The following LUC7L variants were observed in gnomAD, a reference collection of about 807,000 sequenced individuals.
LUC7L encodes the protein putative RNA-binding protein Luc7-like 1.
A neutral mutation model predicts 51.1 loss-of-function variants in LUC7L; 29 were observed. That is an observed-to-expected ratio of 0.57 (90% CI 0.42 to 0.77). The LOEUF is 0.77. Among genes scored for constraint, LUC7L ranks in the 30% least tolerant of loss-of-function variants. LUC7L has a pLI of 0.00. For synonymous variants in LUC7L, 181 were observed against 180.7 expected (o/e 1.00, Z -0.01); for missense variants, 403 against 511.9 (o/e 0.79, Z 2.05).
chr16:212,967 T>C (rs2049686649), intron 3 of LUC7L, among the ~76,000 whole-genome samples: 1 of 152,092 alleles, frequency 6.6e-6, no homozygotes, highest in African/African-American at 2.4e-5. Context: ...TGTAGAGACT[T>C]TGCCCAGGCT....
chr16:189,799 A>G lies in LUC7L; in HGVS notation c.974+169T>C, dbSNP rs367983791. 47 of 1,429,538 alleles carry G rather than the reference A, an allele frequency of 3.3e-5. No individual in the cohort carries two copies. In the East Asian group the frequency reaches 6.3e-4, roughly 19 times the overall value. 88.6% of individuals were successfully genotyped at this position (1,429,538 alleles called of 1,614,324 possible). On this transcript the variant is annotated intron_variant, in intron 9 of 9. Transcript: ENST00000293872. ...CACCTGGCGCCGTGCGAGCTCCTCC[A>G]CAGCCCTCTCGCCTCTTCCCACACC...
intron 6 of LUC7L, among the ~76,000 whole-genome samples, chr16:196,597 G>A (rs993944659): frequency 9.2e-5 from 14 of 151,686 alleles, no homozygotes; most frequent in Admixed American, 5.3e-4. Context: ...GCTCGATTTC[G>A]GCTCACTGCA....
At chr16:227,452 A>C in intron 1 of LUC7L, 116 bp from the exon 2 acceptor site, 4 of 1,487,558 alleles carry the variant, frequency 2.7e-6, no homozygotes, top group Non-Finnish European at 3.6e-6. Context: ...TGTTCTCCCC[A>C]TCAAATGCAA....
intron 3 of LUC7L, among the ~76,000 whole-genome samples, chr16:212,174 T>A (rs1252058974): frequency 6.6e-6 from 1 of 152,086 alleles, no homozygotes; most frequent in Non-Finnish European, 1.5e-5. Flanking sequence ...ATGCCTGTAA[T>A]CCCAACTACT....
Position 193,003 on chromosome 16 carries a change from C to T in LUC7L, c.700G>A (p.Glu234Lys), listed in dbSNP as rs755820305. Residue 234 changes from glutamate to lysine, a missense_variant, in exon 7 of 10, where the codon GAA becomes AAA. Physicochemically the swap from Glu to Lys is moderately conservative, Grantham distance 56 (BLOSUM62 1). Transcript: ENST00000293872. ...KLDQLRKTVA[E>K]KQEKRNQDRL... The stretch of plus-strand genomic sequence containing the variant: ...TCCTGATTTCTCTTCTCCTGCTTTT[C>T]AGCGACAGTTTTCTAAATAAATGAA... 1 of 1,613,006 alleles carries T rather than the reference C, an allele frequency of 6.2e-7. No homozygotes were observed. Among genetic ancestry groups the T allele is most frequent in the East Asian group, 2.2e-5 (1 of 44,874 alleles).
rs147295217 is a variant in LUC7L at position 193,007 on chromosome 16, G to C, written c.696C>G (p.Val232=). The change falls in exon 7 of 10, where the codon GTC becomes GTG. Residue 232 remains valine, a synonymous_variant. Transcript: ENST00000293872. ...GATTTCTCTTCTCCTGCTTTTCAGC[G>C]ACAGTTTTCTAAATAAATGAAACAA... ...REKLDQLRKT[V]AEKQEKRNQD... is the part of the protein sequence containing the mutation. 6 of 1,612,450 alleles carry C rather than the reference G, an allele frequency of 3.7e-6. No homozygotes were observed. The highest frequency in any genetic ancestry group is 4.2e-6 in the Non-Finnish European group (5 of 1,179,810).
At chr16:201,306 A>T (rs2049321687) in intron 5 of LUC7L, among the ~76,000 whole-genome samples, 1 of 151,832 alleles carries the variant, frequency 6.6e-6, no homozygotes, top group Non-Finnish European at 1.5e-5. Flanking sequence ...AATATTCATA[A>T]CATTACTCTG....
chr16:196,229 G>A (rs1171178951), intron 6 of LUC7L, among the ~76,000 whole-genome samples: 1 of 152,064 alleles, frequency 6.6e-6, no homozygotes, highest in East Asian at 1.9e-4. Flanking sequence ...GCAACACGGT[G>A]AAACCCCATC....
chr16:225,370 C>T (rs2050100883), intron 2 of LUC7L, among the ~76,000 whole-genome samples: 1 of 151,656 alleles, frequency 6.6e-6, no homozygotes, highest in African/African-American at 2.4e-5. Context: ...CCTGTAATCC[C>T]AGCTACTCGG....
In LUC7L at chr16:227,277, G is replaced by A; in HGVS notation, c.121C>T (p.Leu41=). ...AGGATGTCATGGGGGCAGCAGTCCA[G>A]AAGGTGACTCTTGCAGACACGGTCA... The part of the protein sequence containing the change: ...TDDRVCKSHL[L]DCCPHDILAG... The change falls in exon 2 of 10, where the codon CTG becomes TTG. Residue 41 remains leucine, a synonymous_variant. Transcript: ENST00000293872. The A allele has an allele frequency of 6.2e-7, 1 of 1,613,146 alleles. No individual in the cohort carries two copies. The highest frequency in any genetic ancestry group is 2.2e-5 in the East Asian group (1 of 44,886).
intron 6 of LUC7L, among the ~76,000 whole-genome samples, chr16:195,387 C>T (rs2049120974): frequency 1.3e-5 from 2 of 151,916 alleles, no homozygotes; most frequent in Admixed American, 6.6e-5. Context: ...CAGCTACCAT[C>T]ACATCAGTAC....
In LUC7L at chr16:228,492, G is replaced by T. The variant is rs1052791263; in HGVS notation, c.61+787C>A. ...ATTCAAAAGCAACTCAATATACAAA[G>T]AAAGCTAAAAAGCACTTATTCACCT... On this transcript the variant is annotated intron_variant, in intron 1 of 9. Transcript: ENST00000293872. 3.2e-6 allele frequency: 4 copies of T among 1,238,214 alleles called. No homozygotes were observed. In the Admixed American group the frequency reaches 1.3e-4, roughly 41 times the overall value. 76.7% of individuals were successfully genotyped at this position (1,238,214 alleles called of 1,614,324 possible).
At position 205,984 on chromosome 16, in the gene LUC7L, A is replaced by G; in HGVS notation, c.510+20T>C. ...AAATTACTAAGATTTCTCTTGCCCT[A>G]AGGCACTTATCTCACCAACCTCAGC... On this transcript the variant is annotated intron_variant, in intron 5 of 9. Transcript: ENST00000293872. 1 of 1,603,774 alleles carries G rather than the reference A, an allele frequency of 6.2e-7. No individual in the cohort carries two copies. The highest frequency in any genetic ancestry group is 2.2e-5 in the East Asian group (1 of 44,828).
At chr16:222,960 A>C (rs1218950179) in intron 2 of LUC7L, among the ~76,000 whole-genome samples, 2 of 151,304 alleles carry the variant, frequency 1.3e-5, no homozygotes, top group African/African-American at 4.9e-5. Flanking sequence ...TTAAAAAAAA[A>C]AAAAAAAAAA....
At chr16:228,955 C>T (rs1394936246) in intron 1 of LUC7L, 3 of 1,411,584 alleles carry the variant, frequency 2.1e-6, no homozygotes, top group Non-Finnish European at 2.8e-6. Flanking sequence ...TGATTCCAGC[C>T]CTCCGCCGAC....
intron 6 of LUC7L, among the ~76,000 whole-genome samples, chr16:198,110 T>TACA (rs550100222): frequency 6.0e-5 from 9 of 150,954 alleles, no homozygotes; most frequent in South Asian, 2.1e-4. Context: ...CTACTAAAAA[T>TACA]ACAACAACAA....
At chr16:189,922 A>G in intron 9 of LUC7L, 46 bp downstream of exon 9, 1 of 1,574,778 alleles carries the variant, frequency 6.4e-7, no homozygotes, top group Non-Finnish European at 8.7e-7. Flanking sequence ...AACACAGAGA[A>G]GGGCTCACTC....
intron 5 of LUC7L, among the ~76,000 whole-genome samples, chr16:203,787 C>A (rs1208473278): frequency 6.6e-6 from 1 of 151,976 alleles, no homozygotes; most frequent in Admixed American, 6.6e-5. Context: ...GAGGCCAAGG[C>A]AGGCGGATCA....
chr16:229,069 C>G (rs1312914071), intron 1 of LUC7L: 1 of 1,416,660 alleles, frequency 7.1e-7, no homozygotes, highest in East Asian at 2.7e-5. Flanking sequence ...GCGCAGACTC[C>G]GAGAGAGGAG....
Sources: gnomAD v4.1 joint callset for allele counts (sites outside exome capture counted in the v4.1 genomes callset) on GRCh38, gnomAD v4.1.1 for gene constraint, MANE v1.5 for transcripts, NCBI Gene and HGNC (gene_info 2026-07-23, HGNC 2026-07-21) for gene names.